Variants in RAPGEF4 observed in about 807,000 individuals in gnomAD.
RAPGEF4 encodes RAP guanine-nucleotide-exchange factor (GEF) 4.
In RAPGEF4, 66 loss-of-function variants were observed where a neutral mutation model predicts 147.9. That is an observed-to-expected ratio of 0.45 (90% CI 0.37 to 0.55). RAPGEF4 has a LOEUF of 0.55. RAPGEF4 is among the 20% of genes least tolerant of loss of function. RAPGEF4 has a pLI of 0.00. For synonymous variants in RAPGEF4, 419 were observed against 442.7 expected, an observed-to-expected ratio of 0.95 and a Z score of 0.67; for missense variants, 1,071 against 1,257.3, an observed-to-expected ratio of 0.85 and a Z score of 2.24.
intron 17 of RAPGEF4, among the ~76,000 whole-genome samples, chr2:173,012,065 G>A (rs1163366182): frequency 6.6e-6 from 1 of 152,140 alleles, no homozygotes; most frequent in South Asian, 2.1e-4. Context: ...AGTAACTTAG[G>A]GCACAGTGTG....
chr2:172,743,794 G>A lies in RAPGEF4; in HGVS notation c.65+7746G>A, dbSNP rs149905059. Among the ~76,000 whole-genome samples, 54 of 152,162 alleles carry A rather than the reference G, an allele frequency of 3.5e-4. 1 individual carries two copies. Among genetic ancestry groups the A allele is most frequent in the African/African-American group, 1.2e-3 (48 of 41,482 alleles). On this transcript the variant is annotated intron_variant, in intron 1 of 30. Coordinates refer to ENST00000397081, the MANE Select transcript of RAPGEF4 (RefSeq NM_007023.4). ...TGCCTGGAGTTACTACCCGAGGCCC[G>A]GGCCTGTGGCAGCCATCTTGTAATC...
intron 2 of RAPGEF4, among the ~76,000 whole-genome samples, chr2:172,796,649 G>C (rs1686400583): frequency 6.6e-6 from 1 of 152,074 alleles, no homozygotes; most frequent in African/African-American, 2.4e-5. Flanking sequence ...AACCTCCTGA[G>C]TCGCTAGGAC....
intron 4 of RAPGEF4, among the ~76,000 whole-genome samples, chr2:172,856,243 G>A (rs1204789223): frequency 6.6e-6 from 1 of 151,762 alleles, no homozygotes; most frequent in South Asian, 2.1e-4. Flanking sequence ...TCTGTTATTG[G>A]GTCAATTCAG....
Position 172,990,872 on chromosome 2 carries a change from G to T in RAPGEF4, c.1437G>T (p.Lys479Asn). 1 of 1,614,048 alleles carries T rather than the reference G, an allele frequency of 6.2e-7. No homozygotes were observed. The highest frequency in any genetic ancestry group is 8.5e-7 in the Non-Finnish European group (1 of 1,179,972). ...EHDQDVLVLE[K>N]VPAGNRASNQ... ...ACCAAGATGTCTTGGTGCTGGAGAAGGTCCCAGCAGGGAACAGAGCTTCTA... is the reference window on the plus strand; with the variant it reads ...ACCAAGATGTCTTGGTGCTGGAGAATGTCCCAGCAGGGAACAGAGCTTCTA... The change falls in exon 15 of 31, where the codon AAG (lysine) becomes AAT (asparagine). Residue 479 changes from lysine to asparagine, a missense_variant. By Grantham distance (94) the Lys-to-Asn change is moderately conservative. Transcript: ENST00000397081.
At chr2:172,903,643 G>A (rs1699319130) in intron 4 of RAPGEF4, among the ~76,000 whole-genome samples, 2 of 152,250 alleles carry the variant, frequency 1.3e-5, no homozygotes, top group African/African-American at 2.4e-5. Context: ...CTGTTCTTCT[G>A]TAGTTTACAT....
chr2:173,003,768 C>T (rs1246937659), intron 17 of RAPGEF4, among the ~76,000 whole-genome samples: 1 of 151,648 alleles, frequency 6.6e-6, no homozygotes, highest in Non-Finnish European at 1.5e-5. Flanking sequence ...ATTCTGTAAC[C>T]TTTAATTAGA....
rs537012113 is a variant in RAPGEF4, at chr2:172,997,416, A to T, written c.1579+862A>T. 2.0e-5 allele frequency among the ~76,000 whole-genome samples: 3 copies of T among 152,310 alleles called. No individual in the cohort carries two copies. In the East Asian group the frequency reaches 5.8e-4, roughly 29 times the overall value. On this transcript the variant is annotated intron_variant, in intron 16 of 30. Coordinates refer to ENST00000397081, the MANE Select transcript of RAPGEF4 (RefSeq NM_007023.4). ...TGCAAAGACCCTATTTCCAAAGACG[A>T]TTATATTCTGAGATACTGGAGGTTA...
At chr2:172,783,020 T>C (rs1684824144) in intron 1 of RAPGEF4, among the ~76,000 whole-genome samples, 1 of 152,230 alleles carries the variant, frequency 6.6e-6, no homozygotes, top group Non-Finnish European at 1.5e-5. Flanking sequence ...TCACATTGCA[T>C]TTTAATTGTA....
intron 21 of RAPGEF4, among the ~76,000 whole-genome samples, chr2:173,018,291 T>C (rs1695690588): frequency 6.6e-6 from 1 of 152,190 alleles, no homozygotes; most frequent in African/African-American, 2.4e-5. Flanking sequence ...AGGTGAATGG[T>C]GTCTCCCCAC....
At chr2:172,862,999 A>G (rs1267562291) in intron 4 of RAPGEF4, among the ~76,000 whole-genome samples, 3 of 152,166 alleles carry the variant, frequency 2.0e-5, no homozygotes, top group Non-Finnish European at 4.4e-5. Context: ...TGATAAGAAT[A>G]TGACCTGAGA....
chr2:173,027,292 A>T, intron 25 of RAPGEF4, 33 bp downstream of exon 25: 1 of 1,512,552 alleles, frequency 6.6e-7, no homozygotes, highest in Non-Finnish European at 8.9e-7. Context: ...GAGAAAAAAA[A>T]ATGTTGAGCT....
At chr2:172,941,157 G>T (rs935680635) in intron 6 of RAPGEF4, among the ~76,000 whole-genome samples, 3 of 152,148 alleles carry the variant, frequency 2.0e-5, no homozygotes, top group African/African-American at 7.2e-5. Context: ...AGTAAAGACA[G>T]ATTGATTTCT....
At chr2:172,753,091 C>T (rs1695440103) in intron 1 of RAPGEF4, among the ~76,000 whole-genome samples, 1 of 151,694 alleles carries the variant, frequency 6.6e-6, no homozygotes, top group Non-Finnish European at 1.5e-5. Flanking sequence ...CCTAAATATC[C>T]ACAGGAGAAA....
intron 4 of RAPGEF4, among the ~76,000 whole-genome samples, chr2:172,857,874 C>T (rs984727560): frequency 1.3e-5 from 1 of 78,790 alleles, no homozygotes; most frequent in Non-Finnish European, 2.3e-5. Flanking sequence ...AGAGCAAGAC[C>T]CTGTCTCAAA....
At position 172,795,033 on chromosome 2, in the gene RAPGEF4, A is replaced by G; in HGVS notation, c.74A>G (p.Glu25Gly). 6.2e-7 allele frequency: 1 copy of G among 1,613,974 alleles called. No individual in the cohort carries two copies. The highest frequency in any genetic ancestry group is 8.5e-7 in the Non-Finnish European group (1 of 1,179,920). The change falls in exon 2 of 31, where the codon GAG (glutamate) becomes GGG (glycine). Residue 25 changes from glutamate to glycine, a missense_variant. By Grantham distance (98) the Glu-to-Gly change is moderately conservative. Transcript: ENST00000397081. ...CTTTTCTCCCTATACAGACCACTGG[A>G]GCGATCCAGCGAAGATGTGGATATA... ...WIACLDKRPL[E>G]RSSEDVDIIF...
intron 11 of RAPGEF4, among the ~76,000 whole-genome samples, 183 bp downstream of exon 11, chr2:172,983,763 A>T (rs1575441381): frequency 1.3e-5 from 2 of 152,162 alleles, no homozygotes; most frequent in Admixed American, 6.5e-5. Flanking sequence ...AAAGGAATCA[A>T]ATTTTGTCCT....
chr2:172,773,616 A>ACCCCACACTGCCTCCCGG (rs1683850882), intron 1 of RAPGEF4, among the ~76,000 whole-genome samples: 1 of 107,878 alleles, frequency 9.3e-6, no homozygotes. Flanking sequence ...TTCCCTCCCC[A>ACCCCACACTGCCTCCCGG]CCCCACACTG....
intron 4 of RAPGEF4, among the ~76,000 whole-genome samples, chr2:172,816,875 C>T (rs1688565116): frequency 6.6e-6 from 1 of 152,176 alleles, no homozygotes; most frequent in Non-Finnish European, 1.5e-5. Flanking sequence ...ATTATATTTG[C>T]CTGTTCATGC....
rs373393896 is a variant in RAPGEF4, at chr2:172,961,180, G to A, written c.650G>A (p.Arg217Gln). 16 of 1,612,776 alleles carry A rather than the reference G, an allele frequency of 9.9e-6. No homozygotes were observed. Among genetic ancestry groups the A allele is most frequent in the African/African-American group, 2.7e-5 (2 of 74,860 alleles). Residue 217 changes from arginine to glutamine, a missense_variant, in exon 8 of 31, where the codon CGA becomes CAA. By Grantham distance (43) the Arg-to-Gln change is conservative. Coordinates refer to ENST00000397081, the MANE Select transcript of RAPGEF4 (RefSeq NM_007023.4). ...GKILRNAILS[R>Q]APHMIRDRKY... ...ATTTTACGAAATGCCATTCTCTCTC[G>A]AGCACCTCACATGATAAGAGATAGA...
Sources: allele counts gnomAD v4.1 joint callset (sites outside exome capture counted in the v4.1 genomes callset), GRCh38; gene constraint gnomAD v4.1.1; transcripts MANE v1.5; gene names NCBI Gene and HGNC (gene_info 2026-07-23, HGNC 2026-07-21).